The following EBNA1BP2 variants were observed in gnomAD, a reference collection of about 807,000 sequenced individuals.
The protein encoded by EBNA1BP2 is EBNA1 binding protein 2.
EBNA1BP2 carries 36 observed loss-of-function variants against 43.5 expected under a neutral mutation model. That is an observed-to-expected ratio of 0.83 (90% CI 0.63 to 1.09). The LOEUF (loss-of-function observed/expected upper bound fraction) is 1.09. Among genes scored for constraint, EBNA1BP2 ranks in the 50% least tolerant of loss-of-function variants. The pLI is 0.00. For missense variants in EBNA1BP2, 332 were observed against 379.1 expected (o/e 0.88, Z 1.03); for synonymous variants, 127 against 141.3 (o/e 0.90, Z 0.72).
chr1:43,171,978 C>T lies in EBNA1BP2; in HGVS notation c.67-9G>A, dbSNP rs779664146. 5.0e-6 allele frequency: 8 copies of T among 1,614,194 alleles called. No homozygotes were observed. The highest frequency in any genetic ancestry group is 5.9e-6 in the Non-Finnish European group (7 of 1,180,026). The stretch of plus-strand genomic sequence containing the variant: ...GAAAACGCATCCTGCAACTGCAGGA[C>T]ACAATCACGGTCACTCCCAGGGGTG... On this transcript the variant is annotated splice_polypyrimidine_tract_variant and intron_variant, in intron 1 of 8. Transcript: ENST00000236051.
rs1446820391 is a variant in EBNA1BP2, at chr1:43,172,163, C to G, written c.-45G>C. The G allele has an allele frequency of 1.2e-6, 2 of 1,613,458 alleles. No homozygotes were observed. The highest frequency in any genetic ancestry group is 1.7e-6 in the Non-Finnish European group (2 of 1,179,678). ...ACACCTACAGGAAGAAACGGGGTAT[C>G]CCGAGACCCAAGCGGCTAGCAGAGG... On this transcript the variant is annotated 5_prime_UTR_variant, in exon 1 of 9. Transcript: ENST00000236051.
chr1:43,171,273 T>A, intron 3 of EBNA1BP2: 1 of 605,614 alleles, frequency 1.7e-6, no homozygotes, highest in Non-Finnish European at 2.6e-6. Flanking sequence ...TATTTCAAAT[T>A]AGCCCATAAA....
chr1:43,169,108 G>A, intron 4 of EBNA1BP2, 80 bp from the exon 5 acceptor site: 5 of 1,387,692 alleles, frequency 3.6e-6, no homozygotes, highest in Non-Finnish European at 5.1e-6. Context: ...GCAGGGAACA[G>A]ATATTCCCTG....
intron 4 of EBNA1BP2, among the ~76,000 whole-genome samples, chr1:43,169,906 T>C (rs1341726671): frequency 6.6e-6 from 1 of 152,124 alleles, no homozygotes; most frequent in East Asian, 1.9e-4. Context: ...CATGGAACTA[T>C]GCATGCAAAG....
chr1:43,164,504 A>G lies in EBNA1BP2; in HGVS notation c.871-11T>C. On this transcript the variant is annotated splice_polypyrimidine_tract_variant and intron_variant, in intron 8 of 8. Coordinates refer to ENST00000236051, the MANE Select transcript of EBNA1BP2 (RefSeq NM_006824.3). ...TTTTCCAGGTCTCTTCTACAGAAAAAGACATACCACATCTGGTCACATAGC... is the reference window on the plus strand; with the variant it reads ...TTTTCCAGGTCTCTTCTACAGAAAAGGACATACCACATCTGGTCACATAGC... 6.2e-7 allele frequency: 1 copy of G among 1,614,134 alleles called. No individual in the cohort carries two copies. Among genetic ancestry groups the G allele is most frequent in the Non-Finnish European group, 8.5e-7 (1 of 1,180,034 alleles).
rs755488908 is a variant in EBNA1BP2 at position 43,172,282 on chromosome 1, C to A, written c.-164G>T. On this transcript the variant is annotated 5_prime_UTR_variant, in exon 1 of 9. Transcript: ENST00000236051. ...TCGCTCCAGCGCCAGCAACTCACAG[C>A]TACTGCTCAACTTTTGATTGGGACT... The A allele has an allele frequency of 2.6e-5, 41 of 1,552,458 alleles. No homozygotes were observed. Among genetic ancestry groups the A allele is most frequent in the Non-Finnish European group, 3.5e-5 (40 of 1,147,364 alleles).
At chr1:43,169,938 A>G (rs1427349710) in intron 4 of EBNA1BP2, among the ~76,000 whole-genome samples, 1 of 145,480 alleles carries the variant, frequency 6.9e-6, no homozygotes, top group Non-Finnish European at 1.6e-5. Context: ...CCTGCTCCTT[A>G]TGAGAATCTA....
Position 43,171,904 on chromosome 1 carries a change from C to A in EBNA1BP2, c.132G>T (p.Lys44Asn). ...PGLNVVLEGP[K>N]KAVNDVNGLK... The stretch of plus-strand genomic sequence containing the variant: ...CGCTCACCACGTCGTTCACGGCCTT[C>A]TTCGGCCCCTCTAGCACGACATTGA... The change falls in exon 2 of 9, where the codon AAG (lysine) becomes AAT (asparagine). Residue 44 changes from lysine to asparagine, a missense_variant. This residue lies in a region of EBNA1BP2 where 182 missense variants were observed against 173.7 expected (regional missense o/e 1.05). Coordinates refer to ENST00000236051, the MANE Select transcript of EBNA1BP2 (RefSeq NM_006824.3). 2.5e-6 allele frequency: 4 copies of A among 1,614,134 alleles called. No individual in the cohort carries two copies. Among genetic ancestry groups the A allele is most frequent in the Non-Finnish European group, 3.4e-6 (4 of 1,179,980 alleles).
intron 4 of EBNA1BP2, among the ~76,000 whole-genome samples, chr1:43,169,728 C>A (rs1644942620): frequency 6.6e-6 from 1 of 152,158 alleles, no homozygotes; most frequent in African/African-American, 2.4e-5. Context: ...AACTCCCAGG[C>A]CACAGACCGC....
At position 43,164,407 on chromosome 1, in the gene EBNA1BP2, T is replaced by C. The variant is rs1358148663; in HGVS notation, c.*36A>G. 6.2e-7 allele frequency: 1 copy of C among 1,613,618 alleles called. No homozygotes were observed. The highest frequency in any genetic ancestry group is 2.2e-5 in the East Asian group (1 of 44,882). ...GTGTCGTGAAATTGCGAGTCTTCAT[T>C]CCTTTTTCTTGGTTCTTTGTATTCA... is the stretch of plus-strand genomic sequence containing the variant. On this transcript the variant is annotated 3_prime_UTR_variant, in exon 9 of 9. Coordinates refer to ENST00000236051, the MANE Select transcript of EBNA1BP2 (RefSeq NM_006824.3).
At chr1:43,171,097 G>GT (rs1202280434) in intron 3 of EBNA1BP2, 1 of 595,658 alleles carries the variant, frequency 1.7e-6, no homozygotes, top group Non-Finnish European at 2.6e-6. Context: ...GCTAAAAATA[G>GT]TTTAAGAGAA....
chr1:43,164,446 G>C lies in EBNA1BP2; in HGVS notation c.918C>G (p.His306Gln). The C allele has an allele frequency of 6.2e-7, 1 of 1,614,176 alleles. No individual in the cohort carries two copies. The highest frequency in any genetic ancestry group is 1.1e-5 in the South Asian group (1 of 91,086). The change falls in exon 9 of 9, where the codon CAC becomes CAG. Residue 306 changes from histidine to glutamine, a missense_variant. Physicochemically the swap from His to Gln is conservative, Grantham distance 24. Transcript: ENST00000236051. ...RTREKMKNRT[H>Q] ...TCTTTGTATTCAAAGATGCTATTTA[G>C]TGTGTTCTGTTCTTCATCTTCTCTC...
chr1:43,164,352 C>G lies in EBNA1BP2; in HGVS notation c.*91G>C. 6.7e-7 allele frequency: 1 copy of G among 1,498,444 alleles called. No individual in the cohort carries two copies. Among genetic ancestry groups the G allele is most frequent in the Non-Finnish European group, 9.3e-7 (1 of 1,080,294 alleles). The allele number at this position is 1,498,444 out of a possible 1,614,324, so 92.8% of individuals were successfully genotyped here. Reference sequence around the variant, plus strand: ...TTTAGTTTATTGAAAGAAATGTTTACAACATGACACCAACAGAAGGGATCA... The same window carrying G: ...TTTAGTTTATTGAAAGAAATGTTTAGAACATGACACCAACAGAAGGGATCA... On this transcript the variant is annotated 3_prime_UTR_variant, in exon 9 of 9. Coordinates refer to ENST00000236051, the MANE Select transcript of EBNA1BP2 (RefSeq NM_006824.3).
intron 7 of EBNA1BP2, 100 bp from the exon 8 acceptor site, chr1:43,164,905 C>G: frequency 1.4e-6 from 2 of 1,450,652 alleles, no homozygotes. Flanking sequence ...AGCAAAGCCC[C>G]TTAGGCACGT....
Position 43,172,268 on chromosome 1 carries a change from C to T in EBNA1BP2, c.-150G>A. 1 of 1,554,068 alleles carries T rather than the reference C, an allele frequency of 6.4e-7. No individual in the cohort carries two copies. Among genetic ancestry groups the T allele is most frequent in the Non-Finnish European group, 8.7e-7 (1 of 1,148,042 alleles). ...CACGTGCCACCGAATCGCTCCAGCG[C>T]CAGCAACTCACAGCTACTGCTCAAC... On this transcript the variant is annotated 5_prime_UTR_variant, in exon 1 of 9. Transcript: ENST00000236051.
intron 3 of EBNA1BP2, 150 bp from the exon 4 acceptor site, chr1:43,171,029 A>T: frequency 8.8e-7 from 1 of 1,142,054 alleles, no homozygotes; most frequent in Non-Finnish European, 1.2e-6. Context: ...TGTCTCACTG[A>T]TTTAGTATCT....
chr1:43,170,197 T>C lies in EBNA1BP2; in HGVS notation c.447+559A>G, dbSNP rs996825855. On this transcript the variant is annotated intron_variant, in intron 4 of 8. Coordinates refer to ENST00000236051, the MANE Select transcript of EBNA1BP2 (RefSeq NM_006824.3). ...TTTCAAATTTTTTTCCCCAATATTT[T>C]TGATCCAAGGTTGGTTGAATCCACA... Among the ~76,000 whole-genome samples, 4 of 152,238 alleles carry C rather than the reference T, an allele frequency of 2.6e-5. No homozygotes were observed. In the East Asian group the frequency reaches 7.7e-4, roughly 29 times the overall value.
chr1:43,171,839 A>C (rs1295894489), intron 2 of EBNA1BP2, 47 bp downstream of exon 2: 9 of 1,606,286 alleles, frequency 5.6e-6, no homozygotes, highest in Non-Finnish European at 7.7e-6. Flanking sequence ...ACAGCGCCTG[A>C]AGCGCATCCC....
Position 43,164,489 on chromosome 1 carries a change from C to G in EBNA1BP2, c.875G>C (p.Arg292Thr). 1 of 1,614,138 alleles carries G rather than the reference C, an allele frequency of 6.2e-7. No homozygotes were observed. Among genetic ancestry groups the G allele is most frequent in the South Asian group, 1.1e-5 (1 of 91,080 alleles). Residue 292 changes from arginine to threonine, a missense_variant, in exon 9 of 9, where the codon AGA (arginine) becomes ACA (threonine). Coordinates refer to ENST00000236051, the MANE Select transcript of EBNA1BP2 (RefSeq NM_006824.3). ...KRPGKKGSNKRPGKRTREKMK... is the reference protein window; with the variant it reads ...KRPGKKGSNKTPGKRTREKMK... The stretch of plus-strand genomic sequence containing the variant: ...CTTCTCTCTTGTTCGTTTTCCAGGT[C>G]TCTTCTACAGAAAAAGACATACCAC...
Sources: gnomAD v4.1 joint callset for allele counts (sites outside exome capture counted in the v4.1 genomes callset) on GRCh38, gnomAD v4.1.1 for gene constraint, gnomAD v4.1.1 regional missense constraint, MANE v1.5 for transcripts, NCBI Gene and HGNC (gene_info 2026-07-23, HGNC 2026-07-21) for gene names.